The following CELF2 variants were observed in gnomAD, a reference collection of about 807,000 sequenced individuals.
The protein encoded by CELF2 is CUGBP Elav-like family member 2.
A neutral mutation model predicts 62.6 loss-of-function variants in CELF2; 8 were observed. The observed-to-expected ratio is 0.13, with a 90% CI of 0.07 to 0.23. CELF2 has a LOEUF of 0.23. Among genes scored for constraint, CELF2 ranks in the 10% least tolerant of loss-of-function variants. The pLI, the probability that CELF2 is intolerant of heterozygous loss-of-function variation, is 1.00. For synonymous variants in CELF2, 258 were observed against 250.0 expected, an observed-to-expected ratio of 1.03 and a Z score of -0.30; for missense variants, 333 against 671.0, an observed-to-expected ratio of 0.50 and a Z score of 5.56.
chr10:11,073,655 G>A (rs973831109), intron 1 of CELF2, among the ~76,000 whole-genome samples: 3 of 152,212 alleles, frequency 2.0e-5, no homozygotes, highest in Admixed American at 1.3e-4. Context: ...TGGTTCACTG[G>A]TTAACGGTGA....
At chr10:11,275,259 A>G in intron 8 of CELF2, 139 bp downstream of exon 8, 1 of 904,022 alleles carries the variant, frequency 1.1e-6, no homozygotes, top group South Asian at 1.5e-5. Context: ...TTTGGTGTTA[A>G]CGTTGGAACC....
At chr10:11,035,939 A>C (rs2060878513) in intron 1 of CELF2, among the ~76,000 whole-genome samples, 1 of 152,242 alleles carries the variant, frequency 6.6e-6, no homozygotes, top group South Asian at 2.1e-4. Context: ...ATTTTATTTC[A>C]TGACCAACAA....
In CELF2 at chr10:11,314,329, A is replaced by C. The variant is rs1306043338; in HGVS notation, c.1096+71A>C. Reference sequence around the variant, plus strand: ...CCCAAATTCTCCACAGAAAGTGGTCAGCCAGAAATGACCCGAAAAAGGATA... The same window carrying C: ...CCCAAATTCTCCACAGAAAGTGGTCCGCCAGAAATGACCCGAAAAAGGATA... On this transcript the variant is annotated intron_variant, in intron 10 of 12. Coordinates refer to ENST00000633077, the MANE Select transcript of CELF2 (RefSeq NM_001326342.2). This position sits in a 1 kb window ranked among gnomAD's most constrained non-coding sequence, Gnocchi z 5.3. 2.5e-6 allele frequency: 4 copies of C among 1,607,770 alleles called. No homozygotes were observed. The East Asian group carries it at 8.9e-5, about 36-fold the overall frequency.
chr10:11,282,153 G>GTCCCTCCCTATCCC (rs781063289), intron 8 of CELF2, among the ~76,000 whole-genome samples: 1 of 152,018 alleles, frequency 6.6e-6, no homozygotes, highest in Non-Finnish European at 1.5e-5. Flanking sequence ...CCCTCCATCC[G>GTCCCTCCCTATCCC]TCCCTCCCTA....
intron 2 of CELF2, among the ~76,000 whole-genome samples, chr10:11,173,910 G>T (rs2069947170): frequency 6.6e-6 from 1 of 152,160 alleles, no homozygotes; most frequent in African/African-American, 2.4e-5. Context: ...GATTGACATA[G>T]GTTTATATAT....
the CELF2 span, among the ~76,000 whole-genome samples, chr10:10,768,270 G>C: frequency 1.3e-5 from 2 of 151,924 alleles, no homozygotes; most frequent in African/African-American, 2.4e-5. Flanking sequence ...TTGCATAGAC[G>C]TGGGTCCTTG....
chr10:11,068,098 C>T (rs2773480), intron 1 of CELF2, among the ~76,000 whole-genome samples: 49,092 of 151,990 alleles, frequency 0.32, 8,596 homozygotes, highest in African/African-American at 0.43. Context: ...GAGATAGAAC[C>T]AAATTTAGAC....
chr10:11,009,954 G>C (rs573963052), intron 1 of CELF2, among the ~76,000 whole-genome samples: 2 of 152,328 alleles, frequency 1.3e-5, no homozygotes, highest in East Asian at 3.9e-4. Context: ...GCAGCATCAC[G>C]GGCTTCTAGC....
rs1299432219 is a variant in CELF2 at position 11,316,333 on chromosome 10, A to G, written c.1096+2075A>G. Among the ~76,000 whole-genome samples the G allele has an allele frequency of 1.3e-5, 2 of 152,246 alleles. No homozygotes were observed. The highest frequency in any genetic ancestry group is 1.5e-5 in the Non-Finnish European group (1 of 68,042). On this transcript the variant is annotated intron_variant, in intron 10 of 12. Transcript: ENST00000633077. This position sits in a 1 kb window ranked among gnomAD's most constrained non-coding sequence, Gnocchi z 4.4. ...TATTTAATTAAACCCAAAACCAGAC[A>G]CCAATGAAAATACATTCCTTGTGAT...
intron 1 of CELF2, among the ~76,000 whole-genome samples, chr10:11,164,040 A>G (rs1248946637): frequency 6.6e-6 from 1 of 152,196 alleles, no homozygotes; most frequent in Admixed American, 6.5e-5. Context: ...GCAGTTTAGT[A>G]TTAGTTAGCA....
chr10:10,699,476 C>T, the CELF2 span, among the ~76,000 whole-genome samples: 1 of 152,194 alleles, frequency 6.6e-6, no homozygotes, highest in East Asian at 1.9e-4. Context: ...TGCAAATTGT[C>T]TCAGCACTGT....
intron 1 of CELF2, among the ~76,000 whole-genome samples, chr10:10,813,276 C>G (rs554763486): frequency 6.6e-6 from 1 of 152,158 alleles, no homozygotes; most frequent in African/African-American, 2.4e-5. Context: ...TATGACTGGT[C>G]CTGCAGGGCT....
At chr10:11,226,352 G>T (rs1385999156) in intron 3 of CELF2, among the ~76,000 whole-genome samples, 3 of 152,260 alleles carry the variant, frequency 2.0e-5, no homozygotes, top group Non-Finnish European at 4.4e-5. Context: ...TTTCCATTCT[G>T]CTGTGTGTTG....
At position 11,217,823 on chromosome 10, in the gene CELF2, C is replaced by T. The variant is rs1373164068; in HGVS notation, c.354+316C>T. On this transcript the variant is annotated intron_variant, in intron 3 of 12. Transcript: ENST00000633077. This position sits in a 1 kb window ranked among gnomAD's most constrained non-coding sequence, Gnocchi z 5.6. ...TTTAAAAGGAAAAAAAAACCCAACA[C>T]ACACAAGAGAAGCAAATGGAAAAGA... 6.6e-6 allele frequency among the ~76,000 whole-genome samples: 1 copy of T among 152,210 alleles called. No individual in the cohort carries two copies. The highest frequency in any genetic ancestry group is 1.5e-5 in the Non-Finnish European group (1 of 68,030).
chr10:11,295,929 C>T (rs2093122369), intron 9 of CELF2, among the ~76,000 whole-genome samples: 2 of 152,128 alleles, frequency 1.3e-5, no homozygotes, highest in South Asian at 4.1e-4. Flanking sequence ...ATGGATACTC[C>T]AGGCAGTTGG....
chr10:11,329,188 TA>T lies in CELF2; in HGVS notation c.*137del. ...CCAAGAGAGACGGTTATTTTTACAA[TA>T]AGGCCTCCATGTCCCCACCCACTTC... On this transcript the variant is annotated 3_prime_UTR_variant, in exon 13 of 13. Coordinates refer to ENST00000633077, the MANE Select transcript of CELF2 (RefSeq NM_001326342.2). The surrounding 1 kb of genome is among the most constrained non-coding windows in gnomAD (Gnocchi z 5.5). 2 of 915,310 alleles carry T rather than the reference TA, an allele frequency of 2.2e-6. No homozygotes were observed. Among genetic ancestry groups the T allele is most frequent in the South Asian group, 2.1e-5 (1 of 48,560 alleles). The allele number at this position is 915,310 out of a possible 1,614,324, so 56.7% of individuals were successfully genotyped here. A position where few individuals can be genotyped will look rare whatever the true frequency, so the allele number is the denominator to read the frequency against.
the CELF2 span, among the ~76,000 whole-genome samples, chr10:10,681,241 C>T: frequency 6.6e-6 from 1 of 152,092 alleles, no homozygotes; most frequent in Admixed American, 6.6e-5. Flanking sequence ...GACCTATGGG[C>T]CCCAGGACAA....
At chr10:11,021,682 G>A (rs2058345180) in intron 1 of CELF2, among the ~76,000 whole-genome samples, 2 of 152,204 alleles carry the variant, frequency 1.3e-5, no homozygotes, top group Non-Finnish European at 2.9e-5. Context: ...TTAAAGAGGT[G>A]ACCTGCTTGC....
At chr10:10,786,037 TA>T in the CELF2 span, among the ~76,000 whole-genome samples, 3 of 151,874 alleles carry the variant, frequency 2.0e-5, no homozygotes, top group Non-Finnish European at 2.9e-5. Flanking sequence ...AAAACTAATT[TA>T]AAAAAAATGT....
Sources: gnomAD v4.1 joint callset for allele counts (sites outside exome capture counted in the v4.1 genomes callset) on GRCh38, gnomAD v4.1.1 for gene constraint, Gnocchi (gnomAD v3.1) non-coding constraint, MANE v1.5 for transcripts, NCBI Gene and HGNC (gene_info 2026-07-23, HGNC 2026-07-21) for gene names.